Variants in CMPK1 observed in about 807,000 individuals in gnomAD.
CMPK1 encodes UMP-CMP kinase.
In CMPK1, 10 loss-of-function variants were observed where a neutral mutation model predicts 25.7. That is an observed-to-expected ratio of 0.39 (90% CI 0.24 to 0.66). The LOEUF (loss-of-function observed/expected upper bound fraction) is 0.66, where lower values mean the gene tolerates loss of function less well. Among genes scored for constraint, CMPK1 ranks in the 30% least tolerant of loss-of-function variants. The probability of loss-of-function intolerance (pLI) is 0.48; values close to 1 mark genes in which losing one functional copy is unlikely to be tolerated. For synonymous variants in CMPK1, 106 were observed against 101.5 expected (o/e 1.04, Z -0.27); for missense variants, 199 against 280.5 (o/e 0.71, Z 2.08).
chr1:47,371,991 C>G (rs1646680252), intron 2 of CMPK1, among the ~76,000 whole-genome samples: 2 of 152,186 alleles, frequency 1.3e-5, no homozygotes, highest in South Asian at 4.1e-4. Context: ...CCTCACTTTC[C>G]CAAATCCATT....
Position 47,373,041 on chromosome 1 carries a change from A to G in CMPK1, c.405A>G (p.Gly135=), listed in dbSNP as rs892812530. The change falls in exon 3 of 6, where the codon GGA becomes GGG. Residue 135 remains glycine, a synonymous_variant. Coordinates refer to ENST00000371873, the MANE Select transcript of CMPK1 (RefSeq NM_016308.3). ...CAAGAAATCAAGACAACCTTCAAGG[A>G]TGGAACAAGACCATGGATGGGAAGG... ...GFPRNQDNLQ[G]WNKTMDGKAD... 6.2e-7 allele frequency: 1 copy of G among 1,613,242 alleles called. No homozygotes were observed. The highest frequency in any genetic ancestry group is 1.7e-5 in the Admixed American group (1 of 59,942).
At chr1:47,348,857 T>G (rs552526548) in intron 1 of CMPK1, among the ~76,000 whole-genome samples, 6 of 152,204 alleles carry the variant, frequency 3.9e-5, no homozygotes, top group Non-Finnish European at 8.8e-5. Context: ...ATAACATGAA[T>G]TTTCATTTTC....
At chr1:47,342,407 A>G (rs1340422654) in intron 1 of CMPK1, among the ~76,000 whole-genome samples, 3 of 151,868 alleles carry the variant, frequency 2.0e-5, no homozygotes, top group Non-Finnish European at 2.9e-5. Context: ...CCAGGCTGGT[A>G]CTCACTCGAC....
chr1:47,334,179 C>T (rs1348702253), intron 1 of CMPK1, 63 bp downstream of exon 1: 2 of 1,306,322 alleles, frequency 1.5e-6, no homozygotes, highest in East Asian at 3.2e-5. Context: ...GCCTGTCCCG[C>T]CGCCCCTAGT....
intron 1 of CMPK1, among the ~76,000 whole-genome samples, chr1:47,350,158 C>T (rs927081978): frequency 2.0e-5 from 3 of 151,952 alleles, no homozygotes; most frequent in Non-Finnish European, 4.4e-5. Context: ...GGGATGGTCT[C>T]GAACTACTGG....
chr1:47,337,215 G>A (rs560780239), intron 1 of CMPK1, among the ~76,000 whole-genome samples: 1 of 152,206 alleles, frequency 6.6e-6, no homozygotes, highest in South Asian at 2.1e-4. Context: ...CCGGGGAGGC[G>A]GAGCTTGCAG....
intron 1 of CMPK1, among the ~76,000 whole-genome samples, chr1:47,354,515 G>T (rs1646545386): frequency 6.6e-6 from 1 of 151,536 alleles, no homozygotes; most frequent in African/African-American, 2.4e-5. Flanking sequence ...GTTTTTGCGT[G>T]CGTGCCTTTC....
At chr1:47,339,800 C>T (rs1243275156) in intron 1 of CMPK1, among the ~76,000 whole-genome samples, 3 of 150,762 alleles carry the variant, frequency 2.0e-5, no homozygotes, top group Non-Finnish European at 4.4e-5. Flanking sequence ...CTCCGCTTCC[C>T]GGGTTCAAGC....
intron 1 of CMPK1, among the ~76,000 whole-genome samples, chr1:47,343,179 G>A (rs1646454442): frequency 6.6e-6 from 1 of 150,738 alleles, no homozygotes; most frequent in African/African-American, 2.4e-5. Context: ...TAGAGATGAG[G>A]TTTCACCATG....
At chr1:47,347,793 T>G (rs1646495707) in intron 1 of CMPK1, among the ~76,000 whole-genome samples, 1 of 152,220 alleles carries the variant, frequency 6.6e-6, no homozygotes, top group Non-Finnish European at 1.5e-5. Flanking sequence ...CATGCCTGGC[T>G]AATTTTTGTT....
chr1:47,350,822 G>A (rs1646517716), intron 1 of CMPK1, among the ~76,000 whole-genome samples: 1 of 151,602 alleles, frequency 6.6e-6, no homozygotes, highest in Admixed American at 6.6e-5. Context: ...CAGGAGAATT[G>A]CCTGAACCCG....
intron 3 of CMPK1, among the ~76,000 whole-genome samples, chr1:47,374,588 T>C (rs1646695894): frequency 6.6e-6 from 1 of 152,208 alleles, no homozygotes; most frequent in Admixed American, 6.5e-5. Flanking sequence ...GGCATGTAAT[T>C]CATACCTAAT....
chr1:47,341,395 C>T (rs947310803), intron 1 of CMPK1, among the ~76,000 whole-genome samples: 1 of 152,098 alleles, frequency 6.6e-6, no homozygotes, highest in African/African-American at 2.4e-5. Flanking sequence ...CAGAGACTCA[C>T]TCAGTCTGTC....
intron 4 of CMPK1, 63 bp from the exon 5 acceptor site, chr1:47,375,134 T>C: frequency 7.4e-7 from 1 of 1,360,216 alleles, no homozygotes; most frequent in Non-Finnish European, 1.0e-6. Flanking sequence ...CTGTGAGCTC[T>C]CCTATAACAT....
chr1:47,367,615 G>T (rs1646648418), intron 1 of CMPK1, among the ~76,000 whole-genome samples: 1 of 152,064 alleles, frequency 6.6e-6, no homozygotes, highest in African/African-American at 2.4e-5. Context: ...TAAGAATTTG[G>T]GATGATATGG....
chr1:47,363,466 A>G (rs961101334), intron 1 of CMPK1, among the ~76,000 whole-genome samples: 1 of 152,028 alleles, frequency 6.6e-6, no homozygotes, highest in African/African-American at 2.4e-5. Context: ...TCTACTAAAC[A>G]TACAAAAAAA....
chr1:47,347,157 T>A (rs1281253240), intron 1 of CMPK1, among the ~76,000 whole-genome samples: 1 of 138,906 alleles, frequency 7.2e-6, no homozygotes, highest in East Asian at 2.6e-4. Context: ...CCTCCCTCCC[T>A]CCCTTTCTTC....
At chr1:47,338,399 G>A (rs1434719527) in intron 1 of CMPK1, among the ~76,000 whole-genome samples, 1 of 152,170 alleles carries the variant, frequency 6.6e-6, no homozygotes, top group African/African-American at 2.4e-5. Flanking sequence ...AGTGTCTTCT[G>A]AGAGTGTTCT....
intron 1 of CMPK1, among the ~76,000 whole-genome samples, chr1:47,359,195 T>A (rs1646584041): frequency 6.6e-6 from 1 of 151,538 alleles, no homozygotes; most frequent in Non-Finnish European, 1.5e-5. Context: ...CGGGCGCCTG[T>A]AGTCCCAGCT....
Sources: gnomAD v4.1 joint callset for allele counts (sites outside exome capture counted in the v4.1 genomes callset) on GRCh38, gnomAD v4.1.1 for gene constraint, MANE v1.5 for transcripts, NCBI Gene and HGNC (gene_info 2026-07-23, HGNC 2026-07-21) for gene names.